Variants in RNF144A observed in about 807,000 individuals in gnomAD.
RNF144A encodes ring finger protein 144A.
A neutral mutation model predicts 38.7 loss-of-function variants in RNF144A; 11 were observed. That is an observed-to-expected ratio of 0.28 (90% CI 0.18 to 0.47). The LOEUF (loss-of-function observed/expected upper bound fraction) is 0.47, where lower values mean the gene tolerates loss of function less well. Ranked by LOEUF, RNF144A falls within the 20% of genes least tolerant of loss-of-function variation. The probability of loss-of-function intolerance (pLI) is 0.99; values close to 1 mark genes in which losing one functional copy is unlikely to be tolerated. For missense variants in RNF144A, 316 were observed against 377.2 expected (o/e 0.84, Z 1.34); for synonymous variants, 149 against 143.9 (o/e 1.04, Z -0.25).
intron 2 of RNF144A, among the ~76,000 whole-genome samples, chr2:6,974,408 G>A (rs73914446): frequency 2.1e-3 from 324 of 152,302 alleles, no homozygotes; most frequent in African/African-American, 7.5e-3. Context: ...ACCTTGGTGT[G>A]CCCCAGTCTC....
chr2:6,991,619 C>T (rs1232887325), intron 2 of RNF144A, among the ~76,000 whole-genome samples: 1 of 152,136 alleles, frequency 6.6e-6, no homozygotes, highest in Non-Finnish European at 1.5e-5. Flanking sequence ...TTACCCTAAT[C>T]CTCTCCGAAC....
chr2:6,993,849 A>G (rs530885026), intron 2 of RNF144A, among the ~76,000 whole-genome samples: 142 of 152,274 alleles, frequency 9.3e-4, no homozygotes, highest in Non-Finnish European at 1.8e-3. Context: ...AACCTGACAT[A>G]TCATAATGAC....
At chr2:7,061,101 A>G (rs559105631) in intron 6 of RNF144A, among the ~76,000 whole-genome samples, 1 of 152,170 alleles carries the variant, frequency 6.6e-6, no homozygotes, top group East Asian at 1.9e-4. Flanking sequence ...TACTCTGCTC[A>G]CCCCTGACAT....
chr2:7,054,044 G>A (rs1010423888), intron 6 of RNF144A, among the ~76,000 whole-genome samples: 1 of 152,188 alleles, frequency 6.6e-6, no homozygotes, highest in African/African-American at 2.4e-5. Context: ...TGGCCAGAGA[G>A]AATCAGCTAA....
At chr2:7,073,711 G>A in the RNF144A span, among the ~76,000 whole-genome samples, 2 of 152,198 alleles carry the variant, frequency 1.3e-5, no homozygotes, top group African/African-American at 2.4e-5. Context: ...GCTGTTCTAA[G>A]CACATCCCAT....
chr2:7,023,671 C>T (rs1450194125), intron 6 of RNF144A, among the ~76,000 whole-genome samples: 1 of 152,194 alleles, frequency 6.6e-6, no homozygotes, highest in Non-Finnish European at 1.5e-5. Flanking sequence ...TACTGCTACC[C>T]TTTATCAAGC....
At chr2:6,963,713 T>C (rs771989820) in intron 2 of RNF144A, among the ~76,000 whole-genome samples, 1 of 152,182 alleles carries the variant, frequency 6.6e-6, no homozygotes, top group Non-Finnish European at 1.5e-5. Context: ...GCTAGTTAAT[T>C]ACATATCTAG....
Position 6,943,706 on chromosome 2 carries a change from A to G in RNF144A, c.-12+2559A>G, listed in dbSNP as rs989167580. Among the ~76,000 whole-genome samples, 101 of 152,140 alleles carry G rather than the reference A, an allele frequency of 6.6e-4. 1 individual carries two copies. The highest frequency in any genetic ancestry group is 2.4e-3 in the African/African-American group (100 of 41,438). On this transcript the variant is annotated intron_variant, in intron 2 of 8. Coordinates refer to ENST00000320892, the MANE Select transcript of RNF144A (RefSeq NM_014746.6). This position sits in a 1 kb window ranked among gnomAD's most constrained non-coding sequence, Gnocchi z 4.3. ...GTTACCAGTGGGGATGGACCAAATGACAGATACATGCGTGGGTGGTGCTCG... is the reference window on the plus strand; with the variant it reads ...GTTACCAGTGGGGATGGACCAAATGGCAGATACATGCGTGGGTGGTGCTCG...
Position 7,042,010 on chromosome 2 carries a change from A to G in RNF144A, c.*2250A>G, listed in dbSNP as rs1337080268. On this transcript the variant is annotated 3_prime_UTR_variant, in exon 9 of 9. Transcript: ENST00000320892. ...ACGTAGTTCAACCCAGATAGGGACC[A>G]CAGAGATTCTGGGGCCAGCCAGGGG... is the stretch of plus-strand genomic sequence containing the variant. The G allele has an allele frequency of 2.0e-6, 2 of 985,440 alleles. No individual in the cohort carries two copies. The highest frequency in any genetic ancestry group is 1.1e-4 in the East Asian group (1 of 8,810). 61.0% of individuals were successfully genotyped at this position (985,440 alleles called of 1,614,324 possible). A position where few individuals can be genotyped will look rare whatever the true frequency, so the allele number is the denominator to read the frequency against.
downstream of RNF144A, among the ~76,000 whole-genome samples, chr2:7,049,086 C>A (rs1326339488): frequency 6.6e-6 from 1 of 152,212 alleles, no homozygotes; most frequent in Non-Finnish European, 1.5e-5. Context: ...TGAATGGCTG[C>A]ACCTGGAGGG....
intron 7 of RNF144A, among the ~76,000 whole-genome samples, chr2:7,027,670 A>G (rs1337046092): frequency 6.6e-6 from 1 of 152,116 alleles, no homozygotes; most frequent in Non-Finnish European, 1.5e-5. Context: ...GGCTTCCCGG[A>G]GCTTGCACCA....
At chr2:7,011,890 A>T (rs1670841823) in intron 3 of RNF144A, among the ~76,000 whole-genome samples, 1 of 152,216 alleles carries the variant, frequency 6.6e-6, no homozygotes, top group Non-Finnish European at 1.5e-5. Flanking sequence ...TATTCCCAGA[A>T]CATAATCCTT....
downstream of RNF144A, among the ~76,000 whole-genome samples, chr2:7,047,215 G>A (rs1389598397): frequency 1.3e-5 from 2 of 152,152 alleles, no homozygotes; most frequent in East Asian, 3.8e-4. Context: ...TGCTGGGGGT[G>A]TGTGTGTGCA....
At chr2:7,063,861 G>GAA (rs1334747248) in intron 6 of RNF144A, among the ~76,000 whole-genome samples, 2 of 152,220 alleles carry the variant, frequency 1.3e-5, no homozygotes, top group Admixed American at 1.3e-4. Context: ...ATATGCCTTA[G>GAA]TCCATTTTCT....
chr2:7,054,517 A>C (rs1673653160), intron 6 of RNF144A, among the ~76,000 whole-genome samples: 1 of 152,162 alleles, frequency 6.6e-6, no homozygotes, highest in South Asian at 2.1e-4. Context: ...TATTGGGCAA[A>C]TCCAATCTGT....
rs372417 is a variant in RNF144A at position 7,057,859 on chromosome 2, G to T, written c.735-10357G>T. On this transcript the variant is annotated intron_variant, in intron 6 of 6. Coordinates refer to the RNF144A transcript ENST00000432850. ...GCCCAGGGATCAAATGTTAAGCAGA[G>T]ATTTATTAGTGGACACAATGTAGTC... 2.7e-3 allele frequency among the ~76,000 whole-genome samples: 405 copies of T among 152,294 alleles called. 3 individuals are homozygous for T. Among genetic ancestry groups the T allele is most frequent in the Non-Finnish European group, 4.5e-3 (307 of 68,018 alleles).
intron 2 of RNF144A, among the ~76,000 whole-genome samples, chr2:6,969,425 G>A (rs1188792821): frequency 6.6e-6 from 1 of 152,084 alleles, no homozygotes; most frequent in Non-Finnish European, 1.5e-5. Context: ...CCAGGGAGAG[G>A]GGCCTGGAGC....
In RNF144A at chr2:7,010,769, T is replaced by C. The variant is rs1418937107; in HGVS notation, c.136-3685T>C. Among the ~76,000 whole-genome samples, 14 of 152,244 alleles carry C rather than the reference T, an allele frequency of 9.2e-5. No homozygotes were observed. In the East Asian group the frequency reaches 2.5e-3, roughly 27 times the overall value. On this transcript the variant is annotated intron_variant, in intron 3 of 8. Transcript: ENST00000320892. ...TTGACCCTCTGGCCAACTTTTCATC[T>C]CTGGGAAGCCTTCCCTGATCCCACC...
At chr2:6,983,650 CCTGA>C (rs1490506756) in intron 2 of RNF144A, among the ~76,000 whole-genome samples, 1 of 152,196 alleles carries the variant, frequency 6.6e-6, no homozygotes, top group African/African-American at 2.4e-5. Flanking sequence ...TCAGGAGTTT[CCTGA>C]CTGTTTCTGA....
Sources: gnomAD v4.1 joint callset for allele counts (sites outside exome capture counted in the v4.1 genomes callset) on GRCh38, gnomAD v4.1.1 for gene constraint, Gnocchi (gnomAD v3.1) non-coding constraint, MANE v1.5 for transcripts, NCBI Gene and HGNC (gene_info 2026-07-23, HGNC 2026-07-21) for gene names.